POLA2: variants seen among roughly 807,000 people sequenced by gnomAD.
The protein encoded by POLA2 is DNA polymerase alpha 2, accessory subunit.
A neutral mutation model predicts 82.8 loss-of-function variants in POLA2; 47 were observed. The ratio of observed to expected loss-of-function variants is 0.57; its 90% confidence interval spans 0.45 to 0.72. POLA2 has a LOEUF of 0.72. Ranked by LOEUF, POLA2 falls within the 30% of genes least tolerant of loss-of-function variation. POLA2 has a pLI of 0.00. For synonymous variants in POLA2, 287 were observed against 286.8 expected (o/e 1.00, Z -0.01); for missense variants, 634 against 728.1 (o/e 0.87, Z 1.49).
intron 3 of POLA2, among the ~76,000 whole-genome samples, chr11:65,268,128 G>A (rs112630994): frequency 6.6e-6 from 1 of 151,674 alleles, no homozygotes; most frequent in Non-Finnish European, 1.5e-5. Flanking sequence ...AATAAGCTGG[G>A]TGTGGTGATG....
At chr11:65,276,145 C>G (rs775242789) in intron 5 of POLA2, 147 bp downstream of exon 5, 1 of 453,734 alleles carries the variant, frequency 2.2e-6, no homozygotes, top group Admixed American at 4.4e-5. Context: ...GCCTATTGCT[C>G]TCTGCCTTCC....
In POLA2 at chr11:65,262,307, C is replaced by CCAG. The variant is rs1565461260; in HGVS notation, c.20_22dup (p.Gln7dup). ...CTTGGGCGACCATGTCCGCATCCGC[C>CCAG]CAGCAGCTGGCGGAGGAGCTGCAGA... On this transcript the variant is annotated inframe_insertion, in exon 1 of 18. Coordinates refer to ENST00000265465, the MANE Select transcript of POLA2 (RefSeq NM_002689.4). 1 of 1,613,428 alleles carries CCAG rather than the reference C, an allele frequency of 6.2e-7. No individual in the cohort carries two copies. The highest frequency in any genetic ancestry group is 2.2e-5 in the East Asian group (1 of 44,850).
At chr11:65,305,263 A>T in intron 8 of POLA2, 1 of 422,726 alleles carries the variant, frequency 2.4e-6, no homozygotes, top group Non-Finnish European at 4.7e-6. Context: ...CAGTTCATTC[A>T]CCAAAAAGAA....
chr11:65,297,365 G>A lies in POLA2; in HGVS notation c.*96G>A. On this transcript the variant is annotated 3_prime_UTR_variant, in exon 18 of 18. Coordinates refer to ENST00000265465, the MANE Select transcript of POLA2 (RefSeq NM_002689.4). ...TGTGACAAGGTGAACAGTTGGGTGG[G>A]AAAGGAGAGAGGAGCCAGCCAGGGA... is the stretch of plus-strand genomic sequence containing the variant. 4 of 1,406,158 alleles carry A rather than the reference G, an allele frequency of 2.8e-6. No homozygotes were observed. Among genetic ancestry groups the A allele is most frequent in the South Asian group, 1.5e-5 (1 of 67,124 alleles). The allele number at this position is 1,406,158 out of a possible 1,614,324, so 87.1% of individuals were successfully genotyped here. A position where few individuals can be genotyped will look rare whatever the true frequency, so the allele number is the denominator to read the frequency against.
At chr11:65,302,650 G>A (rs528388805), downstream of POLA2, among the ~76,000 whole-genome samples, 1 of 152,230 alleles carries the variant, frequency 6.6e-6, no homozygotes, top group South Asian at 2.1e-4. Context: ...CTCTGGGGAC[G>A]GGTGTCCAAG....
chr11:65,262,762 C>T (rs543079170), intron 1 of POLA2, among the ~76,000 whole-genome samples: 44 of 152,234 alleles, frequency 2.9e-4, no homozygotes, highest in African/African-American at 1.1e-3. Context: ...CTTGGCTCCT[C>T]CCTTTCCAGC....
intron 10 of POLA2, among the ~76,000 whole-genome samples, chr11:65,286,601 G>A (rs1949699609): frequency 6.6e-6 from 1 of 152,022 alleles, no homozygotes; most frequent in East Asian, 1.9e-4. Flanking sequence ...TGTTGCCTAG[G>A]CTGGTCTCGA....
intron 7 of POLA2, chr11:65,279,920 A>G (rs1949622664): frequency 3.0e-6 from 1 of 329,236 alleles, no homozygotes. Context: ...GATTTCCCAC[A>G]AATAGAAGCA....
exon 9 of POLA2, chr11:65,305,534 C>CA (rs1334842082): frequency 7.7e-6 from 3 of 389,804 alleles, no homozygotes; most frequent in Admixed American, 3.2e-5. Flanking sequence ...GCAAGCTGGG[C>CA]ACGGTGGTGC....
intron 7 of POLA2, 90 bp from the exon 8 acceptor site, chr11:65,280,902 A>G (rs1590900817): frequency 4.0e-6 from 5 of 1,242,948 alleles, no homozygotes; most frequent in Non-Finnish European, 5.8e-6. Flanking sequence ...TGTTGTTTGC[A>G]GTTTGTTTTG....
chr11:65,289,735 G>GT (rs1297586338), intron 12 of POLA2, 64 bp from the exon 13 acceptor site: 20 of 1,087,066 alleles, frequency 1.8e-5, no homozygotes, highest in Non-Finnish European at 2.3e-5. Context: ...ACCTAACAAT[G>GT]TTAAACAAGT....
Position 65,293,202 on chromosome 11 carries a change from C to T in POLA2, c.1245-951C>T, listed in dbSNP as rs559446852. On this transcript the variant is annotated intron_variant, in intron 13 of 17. Coordinates refer to ENST00000265465, the MANE Select transcript of POLA2 (RefSeq NM_002689.4). ...GTGAGAGGGGAGGGATGCGATGGCT[C>T]AGGGAGAGGCCGCTTGGGCTTTTCT... 7.9e-5 allele frequency among the ~76,000 whole-genome samples: 12 copies of T among 152,132 alleles called. No homozygotes were observed. In the South Asian group the frequency reaches 2.5e-3, roughly 32 times the overall value.
chr11:65,297,215 G>T lies in POLA2; in HGVS notation c.1743G>T (p.Ala581=). 3 of 1,613,978 alleles carry T rather than the reference G, an allele frequency of 1.9e-6. No homozygotes were observed. Among genetic ancestry groups the T allele is most frequent in the Non-Finnish European group, 2.5e-6 (3 of 1,179,952 alleles). ...GACTCTACCTTAGGAGGCCGGCAGC[G>T]GACGGGGCAGAGAGGCAGAGCCCAT... The part of the protein sequence containing the change: ...FARLYLRRPA[A]DGAERQSPCI... Residue 581 remains alanine (A), a synonymous_variant, in exon 18 of 18, where the codon GCG becomes GCT. Transcript: ENST00000265465.
Position 65,297,339 on chromosome 11 carries a change from C to G in POLA2, c.*70C>G. 2 of 1,479,540 alleles carry G rather than the reference C, an allele frequency of 1.4e-6. No individual in the cohort carries two copies. Among genetic ancestry groups the G allele is most frequent in the African/African-American group, 1.4e-5 (1 of 70,092 alleles). The allele number at this position is 1,479,540 out of a possible 1,614,324, so 91.7% of individuals were successfully genotyped here. A position where few individuals can be genotyped will look rare whatever the true frequency, so the allele number is the denominator to read the frequency against. On this transcript the variant is annotated 3_prime_UTR_variant, in exon 18 of 18. Coordinates refer to ENST00000265465, the MANE Select transcript of POLA2 (RefSeq NM_002689.4). ...CTTAGCCAAGAGCCAAGACATAGCC[C>G]TGTGACAAGGTGAACAGTTGGGTGG...
At chr11:65,303,342 C>CAAA (rs917292541), downstream of POLA2, among the ~76,000 whole-genome samples, 4 of 51,624 alleles carry the variant, frequency 7.7e-5, no homozygotes, top group African/African-American at 2.0e-4. Context: ...ACTCTGTCTC[C>CAAA]AAAAAAAAAA....
At chr11:65,262,431 G>C in intron 1 of POLA2, 60 bp downstream of exon 1, 1 of 1,449,292 alleles carries the variant, frequency 6.9e-7, no homozygotes, top group Non-Finnish European at 9.5e-7. Context: ...CGAGTTCCTC[G>C]GCGCCTAGAA....
chr11:65,262,586 A>T (rs559186813), intron 1 of POLA2, among the ~76,000 whole-genome samples: 4 of 152,306 alleles, frequency 2.6e-5, no homozygotes, highest in African/African-American at 7.2e-5. Context: ...GCCAAATCAA[A>T]AATAGGAATA....
At chr11:65,277,960 G>A (rs752775807) in intron 5 of POLA2, among the ~76,000 whole-genome samples, 15 of 152,182 alleles carry the variant, frequency 9.9e-5, no homozygotes, top group Non-Finnish European at 1.8e-4. Context: ...CATTAATTGC[G>A]ATGGTGCCCC....
intron 13 of POLA2, among the ~76,000 whole-genome samples, chr11:65,290,885 C>T (rs1413852598): frequency 6.6e-6 from 1 of 152,170 alleles, no homozygotes; most frequent in Admixed American, 6.5e-5. Flanking sequence ...TCAGTGCTTC[C>T]CCAGGGTGCG....
Sources: gnomAD v4.1 joint callset for allele counts (sites outside exome capture counted in the v4.1 genomes callset) on GRCh38, gnomAD v4.1.1 for gene constraint, MANE v1.5 for transcripts, NCBI Gene and HGNC (gene_info 2026-07-23, HGNC 2026-07-21) for gene names.